The following MAP4K2 variants were observed in gnomAD, a reference collection of about 807,000 sequenced individuals.
The protein encoded by MAP4K2 is mitogen-activated protein kinase kinase kinase kinase 2, also known as B lymphocyte serine/threonine protein kinase.
A neutral mutation model predicts 125.3 loss-of-function variants in MAP4K2; 85 were observed. That is an observed-to-expected ratio of 0.68 (90% CI 0.57 to 0.81). The LOEUF (loss-of-function observed/expected upper bound fraction) is 0.81, where lower values mean the gene tolerates loss of function less well. Among genes scored for constraint, MAP4K2 ranks in the 40% least tolerant of loss-of-function variants. The pLI, the probability that MAP4K2 is intolerant of heterozygous loss-of-function variation, is 0.00. For synonymous variants in MAP4K2, 479 were observed against 445.1 expected (o/e 1.08, Z -0.96); for missense variants, 923 against 1,056.4 (o/e 0.87, Z 1.75).
At position 64,785,372 on chromosome 11, in the gene MAP4K2, C is replaced by T. The variant is rs1015862780; in HGVS notation, c.*4165G>A. ...TTTTTATATGCAGCTTATTGTATGC[C>T]AATTATGCCTCAATAAAACTGTCTT... On this transcript the variant is annotated 3_prime_UTR_variant, in exon 32 of 32. Coordinates refer to ENST00000294066, the MANE Select transcript of MAP4K2 (RefSeq NM_004579.5). 5 of 152,072 alleles carry T rather than the reference C, an allele frequency of 3.3e-5. No individual in the cohort carries two copies. The highest frequency in any genetic ancestry group is 7.2e-5 in the African/African-American group (3 of 41,380). 9.4% of individuals were successfully genotyped at this position (152,072 alleles called of 1,614,324 possible).
At chr11:64,795,208 C>A (rs766228507) in intron 24 of MAP4K2, among the ~76,000 whole-genome samples, 1 of 151,582 alleles carries the variant, frequency 6.6e-6, no homozygotes, top group East Asian at 1.9e-4. Flanking sequence ...CTCAGCCTCC[C>A]GAGTAGCTGG....
At position 64,796,786 on chromosome 11, in the gene MAP4K2, G is replaced by A. The variant is rs376915111; in HGVS notation, c.1492+23C>T. ...AAGCTGAGGGATTCCTTGGGCTCCC[G>A]CTTCCTCCCTGCCCCCACCTACCCC... On this transcript the variant is annotated intron_variant, in intron 21 of 31. Transcript: ENST00000294066. 2.0e-5 allele frequency: 33 copies of A among 1,613,308 alleles called. No individual in the cohort carries two copies. The African/African-American group carries it at 2.7e-4, about 13-fold the overall frequency.
chr11:64,799,325 G>A, intron 14 of MAP4K2, 96 bp downstream of exon 14: 1 of 1,485,236 alleles, frequency 6.7e-7, no homozygotes, highest in East Asian at 2.3e-5. Flanking sequence ...AGGCCACCCA[G>A]CTTCAAATCT....
rs1320888484 is a variant in MAP4K2 at position 64,785,508 on chromosome 11, T to G, written c.*4029A>C. The G allele has an allele frequency of 6.6e-5, 10 of 152,342 alleles. No individual in the cohort carries two copies. The East Asian group carries it at 1.7e-3, about 26-fold the overall frequency. The allele number at this position is 152,342 out of a possible 1,614,324, so 9.4% of individuals were successfully genotyped here. A position where few individuals can be genotyped will look rare whatever the true frequency, so the allele number is the denominator to read the frequency against. Reference sequence around the variant, plus strand: ...GTTTTCACCATCTAGGGAAACGTCCTCTTCGTTTTTGGTCTTGTCTTTCAA... The same window carrying G: ...GTTTTCACCATCTAGGGAAACGTCCGCTTCGTTTTTGGTCTTGTCTTTCAA... On this transcript the variant is annotated 3_prime_UTR_variant, in exon 32 of 32. Transcript: ENST00000294066.
intron 12 of MAP4K2, 150 bp from the exon 13 acceptor site, chr11:64,799,833 A>G: frequency 1.5e-6 from 1 of 677,152 alleles, no homozygotes; most frequent in Admixed American, 2.5e-5. Flanking sequence ...TTCACAGATG[A>G]GAGAACCCAC....
intron 8 of MAP4K2, 38 bp from the exon 9 acceptor site, chr11:64,801,069 T>G (rs756441344): frequency 6.2e-7 from 1 of 1,613,680 alleles, no homozygotes. Flanking sequence ...CCGGGTGCCC[T>G]GCTCTGTGGC....
Position 64,800,902 on chromosome 11 carries a change from C to T in MAP4K2, c.660G>A (p.Met220Ile), listed in dbSNP as rs1941126615. ...TGAGGGGCAAGTGTTGGGCTGACCT[C>T]ATGGGGTGCAGGTGGAACAGAGGGG... Reference protein sequence around the residue: ...LQPPLFHLHPMRALMLMSKSS... With the variant: ...LQPPLFHLHPIRALMLMSKSS... Residue 220 changes from methionine (M) to isoleucine (I), a missense_variant and splice_region_variant, in exon 9 of 32, where the codon ATG becomes ATA. Coordinates refer to ENST00000294066, the MANE Select transcript of MAP4K2 (RefSeq NM_004579.5). 6.2e-7 allele frequency: 1 copy of T among 1,614,038 alleles called. No homozygotes were observed. The highest frequency in any genetic ancestry group is 8.5e-7 in the Non-Finnish European group (1 of 1,180,004).
At chr11:64,794,221 C>CA (rs1940657806) in intron 24 of MAP4K2, among the ~76,000 whole-genome samples, 1 of 152,256 alleles carries the variant, frequency 6.6e-6, no homozygotes, top group South Asian at 2.1e-4. Flanking sequence ...GCTCCACCTT[C>CA]AGCTGATGAC....
intron 4 of MAP4K2, 27 bp from the exon 5 acceptor site, chr11:64,802,148 T>G (rs775508755): frequency 5.0e-6 from 8 of 1,608,256 alleles, no homozygotes; most frequent in Admixed American, 3.3e-5. Context: ...GAGGCTGGCT[T>G]GGGGGCCCGG....
chr11:64,790,931 T>C (rs1310362300), intron 27 of MAP4K2, among the ~76,000 whole-genome samples: 1 of 152,122 alleles, frequency 6.6e-6, no homozygotes, highest in Non-Finnish European at 1.5e-5. Flanking sequence ...AGATCAGGTG[T>C]TGGAGACCAG....
chr11:64,785,810 G>C lies in MAP4K2; in HGVS notation c.*3727C>G, dbSNP rs9666975. The C allele has an allele frequency of 6.6e-6, 1 of 152,060 alleles. No homozygotes were observed. The highest frequency in any genetic ancestry group is 2.4e-5 in the African/African-American group (1 of 41,404). The allele number at this position is 152,060 out of a possible 1,614,324, so 9.4% of individuals were successfully genotyped here. Reference sequence around the variant, plus strand: ...TTGTCATGTTGCCCAGGCTGGTCTAGAACTCCTGGGTTCAAGTGATCTGCC... The same window carrying C: ...TTGTCATGTTGCCCAGGCTGGTCTACAACTCCTGGGTTCAAGTGATCTGCC... On this transcript the variant is annotated 3_prime_UTR_variant, in exon 32 of 32. Coordinates refer to ENST00000294066, the MANE Select transcript of MAP4K2 (RefSeq NM_004579.5).
At position 64,800,934 on chromosome 11, in the gene MAP4K2, G is replaced by A. The variant is rs765352652; in HGVS notation, c.628C>T (p.Leu210=). ...TGCAGGTGGAACAGAGGGGGCTGCA[G>A]CTCGCCCAGCTCAATGGCAGTGATG... ...LGITAIELGE[L]QPPLFHLHPM... The change falls in exon 9 of 32, where the codon CTG becomes TTG. Residue 210 remains leucine, a synonymous_variant. Transcript: ENST00000294066. The A allele has an allele frequency of 3.1e-6, 5 of 1,613,920 alleles. No individual in the cohort carries two copies. Among genetic ancestry groups the A allele is most frequent in the Non-Finnish European group, 4.2e-6 (5 of 1,180,022 alleles).
chr11:64,800,529 T>C, intron 10 of MAP4K2, 137 bp from the exon 11 acceptor site: 1 of 1,120,718 alleles, frequency 8.9e-7, no homozygotes, highest in Non-Finnish European at 1.3e-6. Flanking sequence ...CAAGGGCCAC[T>C]GGCCGAGCAA....
In MAP4K2 at chr11:64,791,978, C is replaced by T. The variant is rs753057121; in HGVS notation, c.2023G>A (p.Gly675Ser). ...CVGAEGPEGP[G>S]CRVLFHVLPL... Reference sequence around the variant, plus strand: ...AGGACATGGAACAGGACGCGGCAGCCGGGCCCCTCAGGCCCCTCGGCCCCA... The same window carrying T: ...AGGACATGGAACAGGACGCGGCAGCTGGGCCCCTCAGGCCCCTCGGCCCCA... Residue 675 changes from glycine to serine, a missense_variant, in exon 27 of 32, where the codon GGC becomes AGC. By Grantham distance (56) the Gly-to-Ser change is moderately conservative (BLOSUM62 0). Transcript: ENST00000294066. 126 of 1,604,148 alleles carry T rather than the reference C, an allele frequency of 7.9e-5. 1 individual carries two copies. Among genetic ancestry groups the T allele is most frequent in the Admixed American group, 4.9e-4 (29 of 59,014 alleles).
chr11:64,800,598 G>A (rs1328428619), intron 10 of MAP4K2, among the ~76,000 whole-genome samples, 166 bp downstream of exon 10: 1 of 152,236 alleles, frequency 6.6e-6, no homozygotes, highest in Non-Finnish European at 1.5e-5. Context: ...TCCTGACCAC[G>A]CTGGGTCTTC....
Position 64,785,455 on chromosome 11 carries a change from A to C in MAP4K2, c.*4082T>G, listed in dbSNP as rs1471077195. 6.6e-6 allele frequency: 1 copy of C among 152,270 alleles called. No homozygotes were observed. The highest frequency in any genetic ancestry group is 2.4e-5 in the African/African-American group (1 of 41,470). 9.4% of individuals were successfully genotyped at this position (152,270 alleles called of 1,614,324 possible). A position where few individuals can be genotyped will look rare whatever the true frequency, so the allele number is the denominator to read the frequency against. ...AAGTGGCAATTCCAGAGTTCTGTGC[A>C]GGACGCTGCAGTGATTCCGCCCCAC... On this transcript the variant is annotated 3_prime_UTR_variant, in exon 32 of 32. Transcript: ENST00000294066.
Position 64,791,913 on chromosome 11 carries a change from T to C in MAP4K2, c.2088A>G (p.Pro696=). The change falls in exon 27 of 32, where the codon CCA becomes CCG. Residue 696 remains proline, a synonymous_variant. Transcript: ENST00000294066. Reference sequence around the variant, plus strand: ...CAGCCTGGCCCTTCTGCTCACCAGGTGGGATGAGGATGTCGGGCGTCAGGC... The same window carrying C: ...CAGCCTGGCCCTTCTGCTCACCAGGCGGGATGAGGATGTCGGGCGTCAGGC... The part of the protein sequence containing the change: ...EAGLTPDILI[P]PEGIPGSAQQ... 6.3e-7 allele frequency: 1 copy of C among 1,584,982 alleles called. No homozygotes were observed. The highest frequency in any genetic ancestry group is 8.6e-7 in the Non-Finnish European group (1 of 1,163,902).
At chr11:64,802,322 G>C in intron 4 of MAP4K2, 97 bp downstream of exon 4, 2 of 1,318,058 alleles carry the variant, frequency 1.5e-6, no homozygotes, top group Non-Finnish European at 2.1e-6. Flanking sequence ...GAGTGGAGAG[G>C]AGCCCAAGTC....
At chr11:64,792,745 G>A (rs1350944929) in intron 24 of MAP4K2, among the ~76,000 whole-genome samples, 1 of 152,046 alleles carries the variant, frequency 6.6e-6, no homozygotes, top group Non-Finnish European at 1.5e-5. Flanking sequence ...GGGGATAATG[G>A]CGGGCCCCAC....
Sources: gnomAD v4.1 joint callset for allele counts (sites outside exome capture counted in the v4.1 genomes callset) on GRCh38, gnomAD v4.1.1 for gene constraint, MANE v1.5 for transcripts, NCBI Gene and HGNC (gene_info 2026-07-23, HGNC 2026-07-21) for gene names.